RNF166: variants seen among roughly 807,000 people sequenced by gnomAD.
RNF166 encodes the protein E3 ubiquitin-protein ligase RNF166.
In RNF166, 19 loss-of-function variants were observed where a neutral mutation model predicts 29.4. The observed-to-expected ratio is 0.65, with a 90% CI of 0.45 to 0.95. The LOEUF (loss-of-function observed/expected upper bound fraction) is 0.95, where lower values mean the gene tolerates loss of function less well. Ranked by LOEUF, RNF166 falls within the 40% of genes least tolerant of loss-of-function variation. The pLI is 0.00. For synonymous variants in RNF166, 171 were observed against 134.5 expected, an observed-to-expected ratio of 1.27 and a Z score of -1.88; for missense variants, 347 against 322.1, an observed-to-expected ratio of 1.08 and a Z score of -0.59.
Position 88,699,587 on chromosome 16 carries a change from C to T in RNF166, c.425+33G>A, listed in dbSNP as rs776632807. The T allele has an allele frequency of 2.6e-6, 4 of 1,541,150 alleles. No homozygotes were observed. In the Middle Eastern group the frequency reaches 5.1e-4, roughly 196 times the overall value. On this transcript the variant is annotated intron_variant, in intron 3 of 5. Coordinates refer to ENST00000312838, the MANE Select transcript of RNF166 (RefSeq NM_178841.4). Reference sequence around the variant, plus strand: ...CCCAGAACGAGGAAACCGCCGAGGACAGTTCCTCTCCCTTGCCCGGCAGCG... The same window carrying T: ...CCCAGAACGAGGAAACCGCCGAGGATAGTTCCTCTCCCTTGCCCGGCAGCG...
intron 4 of RNF166, 32 bp from the exon 5 acceptor site, chr16:88,698,641 G>C (rs1457125887): frequency 6.2e-6 from 9 of 1,458,588 alleles, no homozygotes; most frequent in Non-Finnish European, 7.4e-6. Flanking sequence ...AGCCGAGCCG[G>C]ACCGCGGAGA....
Position 88,706,274 on chromosome 16 carries a change from C to T in RNF166, c.52G>A (p.Ala18Thr), listed in dbSNP as rs1910794568. The change falls in exon 1 of 6, where the codon GCC (alanine) becomes ACC (threonine). Residue 18 changes from alanine to threonine, a missense_variant. Coordinates refer to ENST00000312838, the MANE Select transcript of RNF166 (RefSeq NM_178841.4). The part of the protein sequence containing the change: ...VASAQQRQPP[A>T]GPAGGDSGLE... The stretch of plus-strand genomic sequence containing the variant: ...CCGCTGTCGCCGCCCGCCGGCCCGG[C>T]CGGCGGCTGCCGCTGCTGAGCCGAG... 5.4e-6 allele frequency: 7 copies of T among 1,296,996 alleles called. No individual in the cohort carries two copies. Among genetic ancestry groups the T allele is most frequent in the South Asian group, 3.9e-5 (2 of 50,662 alleles). 80.3% of individuals were successfully genotyped at this position (1,296,996 alleles called of 1,614,324 possible). A position where few individuals can be genotyped will look rare whatever the true frequency, so the allele number is the denominator to read the frequency against.
rs1909659026 is a variant in RNF166, at chr16:88,696,591, C to T, written c.*977G>A. ...ACAGAAAAGAATGTTGACGTGTTGC[C>T]CGGCCCGCCAAGCGGGCCCCTGCCC... On this transcript the variant is annotated 3_prime_UTR_variant, in exon 6 of 6. Coordinates refer to ENST00000312838, the MANE Select transcript of RNF166 (RefSeq NM_178841.4). 2.2e-6 allele frequency: 1 copy of T among 454,058 alleles called. No homozygotes were observed. Among genetic ancestry groups the T allele is most frequent in the Non-Finnish European group, 4.4e-6 (1 of 226,412 alleles). 28.1% of individuals were successfully genotyped at this position (454,058 alleles called of 1,614,324 possible). A position where few individuals can be genotyped will look rare whatever the true frequency, so the allele number is the denominator to read the frequency against.
rs1368877114 is a variant in RNF166, at chr16:88,701,267, T to C, written c.307A>G (p.Lys103Glu). The C allele has an allele frequency of 6.2e-7, 1 of 1,613,602 alleles. No individual in the cohort carries two copies. The highest frequency in any genetic ancestry group is 2.2e-5 in the East Asian group (1 of 44,872). ...CGGCCCAAGCAGGCGGGTACCTTTT[T>C]GTTGCAGCCTCGACAGGGCGCTTTG... ...SYKAPCRGCNKKVTLAKMRVH... is the reference protein window; with the variant it reads ...SYKAPCRGCNEKVTLAKMRVH... The change falls in exon 2 of 6, where the codon AAA becomes GAA. Residue 103 changes from lysine to glutamate, a missense_variant. Coordinates refer to ENST00000312838, the MANE Select transcript of RNF166 (RefSeq NM_178841.4).
chr16:88,701,562 G>T (rs1314021487), intron 1 of RNF166, 144 bp from the exon 2 acceptor site: 19 of 781,118 alleles, frequency 2.4e-5, no homozygotes, highest in South Asian at 5.6e-5. Context: ...TCTGGAGATG[G>T]TCACTCCTAT....
intron 4 of RNF166, among the ~76,000 whole-genome samples, 166 bp from the exon 5 acceptor site, chr16:88,698,775 G>A (rs1389780330): frequency 6.6e-6 from 1 of 151,990 alleles, no homozygotes; most frequent in Non-Finnish European, 1.5e-5. Context: ...TTCAGTGCGC[G>A]TCACCCTGAA....
rs1246706923 is a variant in RNF166, at chr16:88,701,312, C to G, written c.262G>C (p.Glu88Gln). Reference sequence around the variant, plus strand: ...GCTTTGTAGGATGAGAGCTGCTTCTCCACGTGGGTGGCCTTGTCCACCTTC... The same window carrying G: ...GCTTTGTAGGATGAGAGCTGCTTCTGCACGTGGGTGGCCTTGTCCACCTTC... ...PKKVDKATHV[E>Q]KQLSSYKAPC... is the part of the protein sequence containing the mutation. Residue 88 changes from glutamate to glutamine, a missense_variant, in exon 2 of 6, where the codon GAG becomes CAG. By Grantham distance (29) the Glu-to-Gln change is conservative. Coordinates refer to ENST00000312838, the MANE Select transcript of RNF166 (RefSeq NM_178841.4). The G allele has an allele frequency of 6.2e-7, 1 of 1,613,744 alleles. No individual in the cohort carries two copies. Among genetic ancestry groups the G allele is most frequent in the South Asian group, 1.1e-5 (1 of 91,086 alleles).
chr16:88,704,927 T>C (rs186595988), intron 1 of RNF166, among the ~76,000 whole-genome samples: 1 of 152,086 alleles, frequency 6.6e-6, no homozygotes, highest in East Asian at 1.9e-4. Context: ...GAGATGGAGG[T>C]TGCGGTGAGC....
intron 1 of RNF166, 36 bp downstream of exon 1, chr16:88,706,135 G>C: frequency 8.8e-7 from 1 of 1,137,620 alleles, no homozygotes; most frequent in Non-Finnish European, 1.1e-6. Flanking sequence ...GCGGGGCACG[G>C]CCCCCTCCCC....
intron 5 of RNF166, chr16:88,698,207 G>A (rs1909824932): frequency 1.6e-6 from 1 of 615,378 alleles, no homozygotes; most frequent in South Asian, 1.9e-5. Flanking sequence ...CTTCCAGAAG[G>A]AAGCCTGGCT....
At chr16:88,703,029 T>G (rs1910414955) in intron 1 of RNF166, 1 of 985,196 alleles carries the variant, frequency 1.0e-6, no homozygotes, top group Non-Finnish European at 1.2e-6. Flanking sequence ...GGAAAGGGCG[T>G]TCGGCCGGGA....
At position 88,698,486 on chromosome 16, in the gene RNF166, C is replaced by T; in HGVS notation, c.648+16G>A. 6.5e-7 allele frequency: 1 copy of T among 1,548,468 alleles called. No homozygotes were observed. On this transcript the variant is annotated intron_variant, in intron 5 of 5. Coordinates refer to ENST00000312838, the MANE Select transcript of RNF166 (RefSeq NM_178841.4). ...GAGGAGGGCGTGGGGGAGGACGGTG[C>T]TGGCGGGATGCCTACCACAAAGGTG... is the stretch of plus-strand genomic sequence containing the variant.
Position 88,698,570 on chromosome 16 carries a change from T to C in RNF166, c.580A>G (p.Ser194Gly). 6.4e-7 allele frequency: 1 copy of C among 1,565,820 alleles called. No individual in the cohort carries two copies. The highest frequency in any genetic ancestry group is 8.7e-7 in the Non-Finnish European group (1 of 1,155,308). Residue 194 changes from serine (S) to glycine (G), a missense_variant, in exon 5 of 6, where the codon AGC becomes GGC. Transcript: ENST00000312838. ...TGCAGGAAGTTGGCGCTCTTGTAGC[T>C]GGGGTCCCCCCAGGGCATTGCCGAG... The part of the protein sequence containing the change: ...ICSAMPWGDP[S>G]YKSANFLQHL...
chr16:88,698,039 G>C (rs1909806980), intron 5 of RNF166: 3 of 533,228 alleles, frequency 5.6e-6, no homozygotes, highest in Non-Finnish European at 6.7e-6. Context: ...GGAATGAACA[G>C]GGCGGCGCAG....
intron 4 of RNF166, 55 bp from the exon 5 acceptor site, chr16:88,698,664 G>T: frequency 7.4e-7 from 1 of 1,342,734 alleles, no homozygotes; most frequent in Non-Finnish European, 1.0e-6. Context: ...CGGGGTAGCC[G>T]CAGTAGGACT....
chr16:88,701,699 C>A, intron 1 of RNF166: 1 of 403,996 alleles, frequency 2.5e-6, no homozygotes, highest in East Asian at 4.0e-5. Context: ...CGCGAGTGGG[C>A]CAGAGGAGCT....
chr16:88,698,712 C>T (rs1909890239), intron 4 of RNF166, 103 bp from the exon 5 acceptor site: 3 of 890,978 alleles, frequency 3.4e-6, no homozygotes. Flanking sequence ...GCTGCCTCAG[C>T]CTGGGAAGGC....
At position 88,697,396 on chromosome 16, in the gene RNF166, C is replaced by T. The variant is rs529112253; in HGVS notation, c.*172G>A. On this transcript the variant is annotated 3_prime_UTR_variant, in exon 6 of 6. Transcript: ENST00000312838. ...GGCGGCCCTGCTCTGGCGGCCTCGG[C>T]GGCTGGCCCGTATTCAGGCCCGGAG... 130 of 537,816 alleles carry T rather than the reference C, an allele frequency of 2.4e-4. No individual in the cohort carries two copies. The South Asian group carries it at 3.0e-3, about 12-fold the overall frequency. 33.3% of individuals were successfully genotyped at this position (537,816 alleles called of 1,614,324 possible). A position where few individuals can be genotyped will look rare whatever the true frequency, so the allele number is the denominator to read the frequency against.
chr16:88,704,741 G>C (rs1910598655), intron 1 of RNF166, among the ~76,000 whole-genome samples: 1 of 152,212 alleles, frequency 6.6e-6, no homozygotes, highest in Non-Finnish European at 1.5e-5. Context: ...TGTCATCCCA[G>C]CACTTTGGGA....
Sources: allele counts gnomAD v4.1 joint callset (sites outside exome capture counted in the v4.1 genomes callset), GRCh38; gene constraint gnomAD v4.1.1; transcripts MANE v1.5; gene names NCBI Gene and HGNC (gene_info 2026-07-23, HGNC 2026-07-21).